Variants in REEP5 observed in about 807,000 individuals in gnomAD.
The protein encoded by REEP5 is receptor accessory protein 5.
In REEP5, 24 loss-of-function variants were observed where a neutral mutation model predicts 22.4. That is an observed-to-expected ratio of 1.07 (90% CI 0.78 to 1.51). The LOEUF is 1.51. Among genes scored for constraint, REEP5 ranks in the 40% most tolerant of loss-of-function variants. REEP5 has a pLI of 0.00. For missense variants in REEP5, 252 were observed against 233.0 expected (o/e 1.08, Z -0.53); for synonymous variants, 103 against 88.6 (o/e 1.16, Z -0.92).
At chr5:112,902,661 G>C (rs907365306) in intron 2 of REEP5, 143 bp from the exon 3 acceptor site, 21 of 656,272 alleles carry the variant, frequency 3.2e-5, no homozygotes, top group Admixed American at 3.5e-5. Context: ...CAAGAGTACA[G>C]CTTAAAGACT....
At chr5:112,920,992 GT>G (rs1346558105) in intron 2 of REEP5, among the ~76,000 whole-genome samples, 170 bp downstream of exon 2, 1 of 152,182 alleles carries the variant, frequency 6.6e-6, no homozygotes, top group Non-Finnish European at 1.5e-5. Context: ...TAGGGATTAA[GT>G]TAAGGTTCCA....
intron 2 of REEP5, among the ~76,000 whole-genome samples, chr5:112,906,908 C>G (rs1768968316): frequency 6.6e-6 from 1 of 152,092 alleles, no homozygotes; most frequent in South Asian, 2.1e-4. Flanking sequence ...GGCAGGCTAC[C>G]CCTTTCCAGT....
In REEP5 at chr5:112,914,210, C is replaced by A. The variant is rs557497607; in HGVS notation, c.212+6953G>T. Among the ~76,000 whole-genome samples, 18 of 151,442 alleles carry A rather than the reference C, an allele frequency of 1.2e-4. 1 individual carries two copies. The Middle Eastern group carries it at 0.014, about 114-fold the overall frequency. On this transcript the variant is annotated intron_variant, in intron 2 of 4. Coordinates refer to ENST00000379638, the MANE Select transcript of REEP5 (RefSeq NM_005669.5). ...CAATCTCGGCTCATTGCAACCTGTG[C>A]CTCCTGGGTTCAAGCAATTCTCCTT...
rs1767917993 is a variant in REEP5, at chr5:112,877,126, T to G, written c.*1660A>C. 1 of 152,226 alleles carries G rather than the reference T, an allele frequency of 6.6e-6. No homozygotes were observed. The highest frequency in any genetic ancestry group is 1.5e-5 in the Non-Finnish European group (1 of 68,038). The allele number at this position is 152,226 out of a possible 1,614,324, so 9.4% of individuals were successfully genotyped here. A position where few individuals can be genotyped will look rare whatever the true frequency, so the allele number is the denominator to read the frequency against. On this transcript the variant is annotated 3_prime_UTR_variant, in exon 5 of 5. Coordinates refer to ENST00000379638, the MANE Select transcript of REEP5 (RefSeq NM_005669.5). ...ATTTTGTTTGCTTTCTACAAAGTTTTAAGTTTAATAAAATGCCGGTAATCA... is the reference window on the plus strand; with the variant it reads ...ATTTTGTTTGCTTTCTACAAAGTTTGAAGTTTAATAAAATGCCGGTAATCA...
Position 112,880,349 on chromosome 5 carries a change from A to G in REEP5, c.521-1514T>C, listed in dbSNP as rs10515448. Among the ~76,000 whole-genome samples the G allele has an allele frequency of 9.2e-3, 1,398 of 152,312 alleles. 24 individuals carry two copies. Among genetic ancestry groups the G allele is most frequent in the African/African-American group, 0.032 (1,344 of 41,558 alleles). ...GGGAATGTGCTATGAGAACCAGTACAGTGTGTAAGATGGAGGGGAAAGGGG... is the reference window on the plus strand; with the variant it reads ...GGGAATGTGCTATGAGAACCAGTACGGTGTGTAAGATGGAGGGGAAAGGGG... On this transcript the variant is annotated intron_variant, in intron 4 of 4. Transcript: ENST00000379638.
intron 2 of REEP5, among the ~76,000 whole-genome samples, chr5:112,919,602 C>A (rs906478194): frequency 2.6e-5 from 4 of 152,124 alleles, no homozygotes; most frequent in Admixed American, 2.6e-4. Context: ...GCTCTGCCCT[C>A]ATGCATGGGA....
chr5:112,915,200 C>A (rs1415747047), intron 2 of REEP5, among the ~76,000 whole-genome samples: 8 of 151,640 alleles, frequency 5.3e-5, no homozygotes, highest in African/African-American at 1.9e-4. Context: ...ATCTCCAGGG[C>A]CTTCATAAAG....
At chr5:112,898,033 T>C (rs1306827636) in intron 3 of REEP5, 2 of 152,262 alleles carry the variant, frequency 1.3e-5, no homozygotes, top group African/African-American at 4.8e-5. Context: ...CACTCCAGCC[T>C]GGGTGACAGA....
rs768610300 is a variant in REEP5 at position 112,891,840 on chromosome 5, G to A, written c.352-4657C>T. The A allele has an allele frequency of 6.4e-6, 10 of 1,559,888 alleles. No individual in the cohort carries two copies. The South Asian group carries it at 1.1e-4, about 17-fold the overall frequency. On this transcript the variant is annotated intron_variant, in intron 3 of 4. Transcript: ENST00000379638. ...AAGAACAACAACTAGAAGAAGAGAAGCTATTGGAAAGAGAGAGGGAAAGAT... is the reference window on the plus strand; with the variant it reads ...AAGAACAACAACTAGAAGAAGAGAAACTATTGGAAAGAGAGAGGGAAAGAT...
chr5:112,908,290 A>C (rs1034259483), intron 2 of REEP5, among the ~76,000 whole-genome samples: 3 of 151,726 alleles, frequency 2.0e-5, no homozygotes, highest in Non-Finnish European at 4.4e-5. Flanking sequence ...TTTAGTAGAG[A>C]CAGGGTTTCA....
chr5:112,905,762 A>C (rs190519563), intron 2 of REEP5, among the ~76,000 whole-genome samples: 3 of 152,074 alleles, frequency 2.0e-5, no homozygotes, highest in African/African-American at 7.2e-5. Flanking sequence ...CTGGGACTAC[A>C]GGTTCACATC....
rs766743242 is a variant in REEP5 at position 112,902,481 on chromosome 5, TATC to T, written c.247_249del (p.Asp83del). The T allele has an allele frequency of 6.2e-7, 1 of 1,609,778 alleles. No homozygotes were observed. Among genetic ancestry groups the T allele is most frequent in the Non-Finnish European group, 8.5e-7 (1 of 1,178,664 alleles). Reference sequence around the variant, plus strand: ...ACTACCCAGTAGGTCAGCCACTGGGTATCATCTTCTTTGTTGGGACTCTCTATA... The same window carrying T: ...ACTACCCAGTAGGTCAGCCACTGGGTATCTTCTTTGTTGGGACTCTCTATA... On this transcript the variant is annotated inframe_deletion, in exon 3 of 5. Coordinates refer to ENST00000379638, the MANE Select transcript of REEP5 (RefSeq NM_005669.5).
rs1767968335 is a variant in REEP5 at position 112,878,615 on chromosome 5, T to C, written c.*171A>G. 5 of 965,030 alleles carry C rather than the reference T, an allele frequency of 5.2e-6. No individual in the cohort carries two copies. In the Admixed American group the frequency reaches 1.5e-4, roughly 29 times the overall value. 59.8% of individuals were successfully genotyped at this position (965,030 alleles called of 1,614,324 possible). A position where few individuals can be genotyped will look rare whatever the true frequency, so the allele number is the denominator to read the frequency against. Reference sequence around the variant, plus strand: ...CATTAAGTTTAAAGTGCTCCCTATATATATAGACAGTAAAAGTAAGCAAAG... The same window carrying C: ...CATTAAGTTTAAAGTGCTCCCTATACATATAGACAGTAAAAGTAAGCAAAG... On this transcript the variant is annotated 3_prime_UTR_variant, in exon 5 of 5. Transcript: ENST00000379638.
intron 3 of REEP5, among the ~76,000 whole-genome samples, chr5:112,900,135 C>T (rs754214649): frequency 6.6e-6 from 1 of 152,286 alleles, no homozygotes; most frequent in Middle Eastern, 3.4e-3. Flanking sequence ...TGTTTACTAG[C>T]CATTCATATT....
intron 4 of REEP5, among the ~76,000 whole-genome samples, chr5:112,879,098 C>T (rs1342867888): frequency 2.6e-5 from 4 of 151,938 alleles, no homozygotes; most frequent in Admixed American, 6.6e-5. Context: ...ACAGTGTCAC[C>T]GAAACTGTCT....
At chr5:112,895,761 A>G (rs765524012) in intron 3 of REEP5, 1 of 152,194 alleles carries the variant, frequency 6.6e-6, no homozygotes, top group Non-Finnish European at 1.5e-5. Flanking sequence ...CTGTGTAACT[A>G]TTCTACAGCC....
At chr5:112,881,425 C>A (rs1214287628) in intron 4 of REEP5, among the ~76,000 whole-genome samples, 1 of 152,180 alleles carries the variant, frequency 6.6e-6, no homozygotes, top group East Asian at 1.9e-4. Flanking sequence ...TTTCTAAAAT[C>A]TGAGTCCCTC....
intron 3 of REEP5, chr5:112,895,236 T>TAAAAAAAAAAAA (rs1768643761): frequency 3.7e-4 from 1 of 2,712 alleles, no homozygotes; most frequent in Non-Finnish European, 7.9e-4. Flanking sequence ...AGACTCTGTC[T>TAAAAAAAAAAAA]CAAAAAAAAA....
chr5:112,891,921 G>A, intron 3 of REEP5: 1 of 1,281,492 alleles, frequency 7.8e-7, no homozygotes, highest in Non-Finnish European at 1.1e-6. Context: ...TCAGAATAAA[G>A]AAGGAAAAGG....
Sources: allele counts gnomAD v4.1 joint callset (sites outside exome capture counted in the v4.1 genomes callset), GRCh38; gene constraint gnomAD v4.1.1; transcripts MANE v1.5; gene names NCBI Gene and HGNC (gene_info 2026-07-23, HGNC 2026-07-21).